RNF217: variants seen among roughly 807,000 people sequenced by gnomAD.
RNF217 encodes the protein E3 ubiquitin-protein ligase RNF217.
A neutral mutation model predicts 57.8 loss-of-function variants in RNF217; 31 were observed. The ratio of observed to expected loss-of-function variants is 0.54; its 90% CI spans 0.40 to 0.72. The LOEUF (loss-of-function observed/expected upper bound fraction) is 0.72, where lower values mean the gene tolerates loss of function less well. Among genes scored for constraint, RNF217 ranks in the 30% least tolerant of loss-of-function variants. RNF217 has a pLI of 0.00. For missense variants in RNF217, 696 were observed against 708.3 expected (o/e 0.98, Z 0.20); for synonymous variants, 313 against 294.0 (o/e 1.06, Z -0.66).
intron 1 of RNF217, among the ~76,000 whole-genome samples, chr6:125,032,565 A>G (rs1226129341): frequency 6.6e-6 from 1 of 152,068 alleles, no homozygotes; most frequent in Admixed American, 6.6e-5. Context: ...TTAAGTTAAA[A>G]AAGGACAAAA....
intron 1 of RNF217, among the ~76,000 whole-genome samples, chr6:125,033,722 G>T (rs1298191056): frequency 6.6e-6 from 1 of 151,390 alleles, no homozygotes; most frequent in Non-Finnish European, 1.5e-5. Context: ...TAATGGGATG[G>T]CTGGGTCAAA....
rs141667222 is a variant in RNF217 at position 125,055,046 on chromosome 6, G to A, written c.1117-2896G>A. 1.9e-3 allele frequency among the ~76,000 whole-genome samples: 294 copies of A among 152,232 alleles called. 1 individual carries two copies. The highest frequency in any genetic ancestry group is 6.7e-3 in the African/African-American group (278 of 41,556). The stretch of plus-strand genomic sequence containing the variant: ...AGTGTTGATGTCTGTATGTGTTTGC[G>A]TAAGGCCAATTTTGAATATGGTTAA... On this transcript the variant is annotated intron_variant, in intron 2 of 5. Transcript: ENST00000521654.
At position 125,085,211 on chromosome 6, in the gene RNF217, C is replaced by T. The variant is rs1187381941; in HGVS notation, c.*2274C>T. On this transcript the variant is annotated 3_prime_UTR_variant, in exon 6 of 6. Coordinates refer to ENST00000521654, the MANE Select transcript of RNF217 (RefSeq NM_001286398.3). The stretch of plus-strand genomic sequence containing the variant: ...TTCTTTAAATAACTTATCTTTTGGA[C>T]ATATTTTTATATTATTTGGAAAACT... 1 of 151,814 alleles carries T rather than the reference C, an allele frequency of 6.6e-6. No homozygotes were observed. Among genetic ancestry groups the T allele is most frequent in the Non-Finnish European group, 1.5e-5 (1 of 67,820 alleles). The allele number at this position is 151,814 out of a possible 1,614,324, so 9.4% of individuals were successfully genotyped here. A position where few individuals can be genotyped will look rare whatever the true frequency, so the allele number is the denominator to read the frequency against.
rs535393497 is a variant in RNF217 at position 125,092,497 on chromosome 6, G to A, written c.*9560G>A. 7 of 152,138 alleles carry A rather than the reference G, an allele frequency of 4.6e-5. No homozygotes were observed. The South Asian group carries it at 1.5e-3, about 32-fold the overall frequency. The allele number at this position is 152,138 out of a possible 1,614,324, so 9.4% of individuals were successfully genotyped here. On this transcript the variant is annotated 3_prime_UTR_variant, in exon 6 of 6. Coordinates refer to ENST00000521654, the MANE Select transcript of RNF217 (RefSeq NM_001286398.3). ...CACTCACTCGGATGAAAACTATAAC[G>A]GTTTTCAAACTATTTTGATGGTCAT...
In RNF217 at chr6:124,962,517, G is replaced by A. The variant is rs1464856677; in HGVS notation, c.-28G>A. On this transcript the variant is annotated 5_prime_UTR_variant, in exon 1 of 6. Coordinates refer to ENST00000521654, the MANE Select transcript of RNF217 (RefSeq NM_001286398.3). This position sits in a 1 kb window ranked among gnomAD's most constrained non-coding sequence, Gnocchi z 4.6. ...GGTGGGGGTCCCGGCGGCTGGATGG[G>A]CAGCGGCGGCGCGGGCCGCGGGCGG... 4.4e-6 allele frequency: 5 copies of A among 1,128,802 alleles called. No homozygotes were observed. Among genetic ancestry groups the A allele is most frequent in the African/African-American group, 1.6e-5 (1 of 60,734 alleles). 69.9% of individuals were successfully genotyped at this position (1,128,802 alleles called of 1,614,324 possible).
intron 4 of RNF217, among the ~76,000 whole-genome samples, chr6:125,078,343 T>C (rs1049094584): frequency 3.3e-5 from 5 of 152,158 alleles, no homozygotes; most frequent in Admixed American, 2.0e-4. Flanking sequence ...TTTTTTGCAT[T>C]GTTATTTTAT....
At chr6:125,004,895 A>T (rs762690586) in intron 1 of RNF217, among the ~76,000 whole-genome samples, 1 of 152,200 alleles carries the variant, frequency 6.6e-6, no homozygotes, top group Non-Finnish European at 1.5e-5. Flanking sequence ...CTATAACAGA[A>T]TACCACAGAC....
Position 124,962,865 on chromosome 6 carries a change from G to A in RNF217, c.321G>A (p.Leu107=). The change falls in exon 1 of 6, where the codon CTG becomes CTA. Residue 107 remains leucine, a synonymous_variant. Coordinates refer to ENST00000521654, the MANE Select transcript of RNF217 (RefSeq NM_001286398.3). The surrounding 1 kb of genome is among the most constrained non-coding windows in gnomAD (Gnocchi z 4.6). ...NPQTLPLQLE[L]EEEEEEAGDR... is the part of the protein sequence containing the mutation. ...AGACCTTGCCACTGCAGTTGGAGCT[G>A]GAGGAGGAAGAGGAGGAAGCTGGGG... 1.3e-6 allele frequency: 2 copies of A among 1,598,108 alleles called. No individual in the cohort carries two copies. The highest frequency in any genetic ancestry group is 1.7e-6 in the Non-Finnish European group (2 of 1,179,672).
intron 1 of RNF217, among the ~76,000 whole-genome samples, chr6:124,986,798 A>G (rs1397956113): frequency 6.6e-6 from 1 of 152,190 alleles, no homozygotes; most frequent in African/African-American, 2.4e-5. Flanking sequence ...TATTGAGAAA[A>G]TTGAAAATAT....
intron 1 of RNF217, among the ~76,000 whole-genome samples, chr6:125,033,764 C>G (rs982892402): frequency 1.7e-4 from 26 of 152,028 alleles, no homozygotes; most frequent in East Asian, 9.7e-4. Context: ...CCTGAGGAAT[C>G]GCCACACTGA....
At chr6:125,019,544 T>G (rs1582715465) in intron 1 of RNF217, among the ~76,000 whole-genome samples, 1 of 152,236 alleles carries the variant, frequency 6.6e-6, no homozygotes, top group East Asian at 1.9e-4. Context: ...TTCCCCTTTT[T>G]ATTTTTTAGC....
chr6:125,081,473 G>T lies in RNF217; in HGVS notation c.1521G>T (p.Leu507Phe), dbSNP rs1788569913. The stretch of plus-strand genomic sequence containing the variant: ...TCATTGCACCTCTAATTATGGTTTT[G>T]GGATTGGCACTAGGGGCCATAGCGG... ...KLFIAPLIMVLGLALGAIAVV... is the reference protein window; with the variant it reads ...KLFIAPLIMVFGLALGAIAVV... Residue 507 changes from leucine to phenylalanine, a missense_variant, in exon 5 of 6, where the codon TTG (leucine) becomes TTT (phenylalanine). This residue lies in a region of RNF217 where 231 missense variants were observed against 321.4 expected (regional missense o/e 0.72). Transcript: ENST00000521654. The T allele has an allele frequency of 1.2e-6, 2 of 1,611,530 alleles. No homozygotes were observed. The highest frequency in any genetic ancestry group is 1.7e-5 in the Admixed American group (1 of 59,812).
At chr6:124,980,529 T>A (rs1308410540) in intron 1 of RNF217, among the ~76,000 whole-genome samples, 1 of 152,216 alleles carries the variant, frequency 6.6e-6, no homozygotes, top group Admixed American at 6.5e-5. Context: ...AATTCCTATT[T>A]AATTACACAT....
At chr6:125,065,041 C>T (rs960840407) in intron 3 of RNF217, among the ~76,000 whole-genome samples, 3 of 151,478 alleles carry the variant, frequency 2.0e-5, no homozygotes, top group African/African-American at 4.9e-5. Context: ...TTTGGGAGGC[C>T]GAGGCGGGCG....
chr6:125,027,196 G>C (rs1007094445), intron 1 of RNF217, among the ~76,000 whole-genome samples: 2 of 152,048 alleles, frequency 1.3e-5, no homozygotes, highest in African/African-American at 4.8e-5. Context: ...ACACAATTAA[G>C]TTATTATTGA....
chr6:125,068,581 T>C (rs1167040346), intron 3 of RNF217, among the ~76,000 whole-genome samples: 1 of 152,226 alleles, frequency 6.6e-6, no homozygotes, highest in Non-Finnish European at 1.5e-5. Flanking sequence ...TGTCAGACTT[T>C]ATCAGTGAGA....
intron 5 of RNF217, 28 bp from the exon 6 acceptor site, chr6:125,082,832 CCTAA>C (rs1247075405): frequency 6.7e-7 from 1 of 1,495,938 alleles, no homozygotes; most frequent in Non-Finnish European, 9.3e-7. Flanking sequence ...TGCCTCTCAT[CCTAA>C]CTAACTTTAA....
intron 5 of RNF217, chr6:125,082,599 A>G (rs575530047): frequency 2.5e-6 from 4 of 1,587,378 alleles, no homozygotes; most frequent in Non-Finnish European, 3.4e-6. Context: ...ATGACTGTGG[A>G]CAATAAAGAA....
Position 124,962,835 on chromosome 6 carries a change from TC to T in RNF217, c.295del (p.Gln99ArgfsTer97). 6.3e-7 allele frequency: 1 copy of T among 1,597,586 alleles called. No individual in the cohort carries two copies. The highest frequency in any genetic ancestry group is 8.5e-7 in the Non-Finnish European group (1 of 1,179,554). ...AGLALTGPLN[P>X]QTLPLQLELE... ...GACTGGCACTCACCGGGCCTCTCAA[TC>T]CCCAGACCTTGCCACTGCAGTTGGA... is the stretch of plus-strand genomic sequence containing the variant. On this transcript the variant is annotated frameshift_variant, in exon 1 of 6. Coordinates refer to ENST00000521654, the MANE Select transcript of RNF217 (RefSeq NM_001286398.3). LOFTEE classifies it high-confidence loss of function. This position sits in a 1 kb window ranked among gnomAD's most constrained non-coding sequence, Gnocchi z 4.6.
Sources: allele counts gnomAD v4.1 joint callset (sites outside exome capture counted in the v4.1 genomes callset), GRCh38; gene constraint gnomAD v4.1.1; regional missense constraint gnomAD v4.1.1; non-coding constraint Gnocchi (gnomAD v3.1); transcripts MANE v1.5; gene names NCBI Gene and HGNC (gene_info 2026-07-23, HGNC 2026-07-21).